The following DDOST variants were observed in gnomAD, a reference collection of about 807,000 sequenced individuals.
The protein encoded by DDOST is dolichyl-diphosphooligosaccharide--protein glycosyltransferase 48 kDa subunit.
In DDOST, 25 loss-of-function variants were observed where a neutral mutation model predicts 47.6. That is an observed-to-expected ratio of 0.53 (90% CI 0.38 to 0.73). DDOST has a LOEUF of 0.73. DDOST is among the 30% of genes least tolerant of loss of function. The pLI is 0.00. For synonymous variants in DDOST, 275 were observed against 236.0 expected (o/e 1.17, Z -1.51); for missense variants, 526 against 573.9 (o/e 0.92, Z 0.85).
Position 20,653,398 on chromosome 1 carries a change from G to GC in DDOST, c.942+228dup, listed in dbSNP as rs756959461. Among the ~76,000 whole-genome samples, 141 of 152,268 alleles carry GC rather than the reference G, an allele frequency of 9.3e-4. 1 individual carries two copies. In the Middle Eastern group the frequency reaches 0.02, roughly 22 times the overall value. ...AATCAGTGAAGCCCCTCCCACTGCT[G>GC]CCCCCCATAGCAAATACACACACCT... On this transcript the variant is annotated intron_variant, in intron 8 of 10. Coordinates refer to ENST00000602624, the MANE Select transcript of DDOST (RefSeq NM_005216.5).
rs138561924 is a variant in DDOST, at chr1:20,652,656, G to T, written c.1135C>A (p.Arg379=). Residue 379 remains arginine (R), a synonymous_variant, in exon 10 of 11, where the codon CGG becomes AGG. Transcript: ENST00000602624. ...GVFQFKVDYN[R]LGYTHLYSST... Reference sequence around the variant, plus strand: ...GAGTACAGGTGTGTGTAGCCTAGCCGGTTGTAATCCACTTTAAACTGGAAT... The same window carrying T: ...GAGTACAGGTGTGTGTAGCCTAGCCTGTTGTAATCCACTTTAAACTGGAAT... 6.2e-7 allele frequency: 1 copy of T among 1,614,154 alleles called. No homozygotes were observed. Among genetic ancestry groups the T allele is most frequent in the East Asian group, 2.2e-5 (1 of 44,884 alleles).
Position 20,654,318 on chromosome 1 carries a change from C to T in DDOST, c.699G>A (p.Arg233=). ...CGCTGAAGATGACGCGGGCATTGTT[C>T]CTGGCCTGGAGCCCAGCAATGAGGA... ...NTLLIAGLQA[R]NNARVIFSGS... is the part of the protein sequence containing the mutation. The change falls in exon 7 of 11, where the codon AGG becomes AGA. Residue 233 remains arginine (R), a synonymous_variant. Coordinates refer to ENST00000602624, the MANE Select transcript of DDOST (RefSeq NM_005216.5). 2.6e-6 allele frequency: 4 copies of T among 1,555,988 alleles called. No homozygotes were observed. The highest frequency in any genetic ancestry group is 3.5e-6 in the Non-Finnish European group (4 of 1,149,004).
chr1:20,660,520 T>C (rs766797706), intron 2 of DDOST: 32 of 175,768 alleles, frequency 1.8e-4, no homozygotes, highest in South Asian at 3.6e-4. Context: ...TGCCTCTTTA[T>C]AGCAATCCAT....
Position 20,661,187 on chromosome 1 carries a change from C to G in DDOST, c.154+10G>C. 2 of 1,613,052 alleles carry G rather than the reference C, an allele frequency of 1.2e-6. No individual in the cohort carries two copies. Among genetic ancestry groups the G allele is most frequent in the South Asian group, 2.2e-5 (2 of 91,014 alleles). Reference sequence around the variant, plus strand: ...CCCCCACACGCTACCCCCTCGGACCCCGCTCTCACCCTTCAGGCTCCGGAA... The same window carrying G: ...CCCCCACACGCTACCCCCTCGGACCGCGCTCTCACCCTTCAGGCTCCGGAA... On this transcript the variant is annotated intron_variant, in intron 1 of 10. Transcript: ENST00000602624.
At chr1:20,657,638 A>G (rs2053389484) in intron 2 of DDOST, among the ~76,000 whole-genome samples, 2 of 152,222 alleles carry the variant, frequency 1.3e-5, no homozygotes, top group Admixed American at 1.3e-4. Flanking sequence ...AAGTGTGTCC[A>G]TTAGACCCTC....
chr1:20,657,118 G>C (rs944691360), intron 2 of DDOST, among the ~76,000 whole-genome samples: 1 of 152,218 alleles, frequency 6.6e-6, no homozygotes, highest in Admixed American at 6.5e-5. Flanking sequence ...TGTGGGGTCA[G>C]AGGATTCCCA....
chr1:20,655,922 TG>T, intron 3 of DDOST, 143 bp from the exon 4 acceptor site: 1 of 824,916 alleles, frequency 1.2e-6, no homozygotes, highest in Non-Finnish European at 2.0e-6. Flanking sequence ...GATGGACCCC[TG>T]GACAGCAGTG....
Position 20,660,872 on chromosome 1 carries a change from A to C in DDOST, c.265+9T>G, listed in dbSNP as rs79243170. On this transcript the variant is annotated intron_variant, in intron 2 of 10. Coordinates refer to ENST00000602624, the MANE Select transcript of DDOST (RefSeq NM_005216.5). ...AATTCCAGTGCTAGGGGCGACGCGG[A>C]ACCCTTACCTTCTACCGAAGGGGAG... is the stretch of plus-strand genomic sequence containing the variant. 6.5e-7 allele frequency: 1 copy of C among 1,542,014 alleles called. No homozygotes were observed. Among genetic ancestry groups the C allele is most frequent in the Non-Finnish European group, 9.0e-7 (1 of 1,114,866 alleles).
At chr1:20,658,894 C>T (rs1326181365) in intron 2 of DDOST, among the ~76,000 whole-genome samples, 2 of 136,672 alleles carry the variant, frequency 1.5e-5, no homozygotes, top group Admixed American at 7.9e-5. Context: ...CTTGCTCTGT[C>T]GCTTAGGCTG....
rs2053312234 is a variant in DDOST at position 20,652,886 on chromosome 1, A to G, written c.1028T>C (p.Ile343Thr). 6.2e-7 allele frequency: 1 copy of G among 1,614,228 alleles called. No individual in the cohort carries two copies. Among genetic ancestry groups the G allele is most frequent in the African/African-American group, 1.3e-5 (1 of 75,060 alleles). The change falls in exon 9 of 11, where the codon ATT becomes ACT. Residue 343 changes from isoleucine to threonine, a missense_variant. Ile to Thr is a moderately conservative substitution (Grantham distance 89). Transcript: ENST00000602624. Reference protein sequence around the residue: ...GDDIQLEFVRIDPFVRTFLKK... With the variant: ...GDDIQLEFVRTDPFVRTFLKK... ...CAGGAAGGTCCTCACAAAAGGATCA[A>G]TGCGGACAAACTCCAGCTGAATGTC...
rs1281072520 is a variant in DDOST, at chr1:20,656,204, GAC to G, written c.266-19_266-18del. On this transcript the variant is annotated intron_variant, in intron 2 of 10. Coordinates refer to ENST00000602624, the MANE Select transcript of DDOST (RefSeq NM_005216.5). ...CTCCAAAATCTGAAAGCAGGCACCA[GAC>G]ACAGTGACCCAGAGGTCTCCTCTCC... The G allele has an allele frequency of 1.2e-6, 2 of 1,606,344 alleles. No individual in the cohort carries two copies. The highest frequency in any genetic ancestry group is 2.2e-5 in the South Asian group (2 of 90,930).
At chr1:20,660,089 G>C (rs1473089195) in intron 2 of DDOST, among the ~76,000 whole-genome samples, 2 of 152,214 alleles carry the variant, frequency 1.3e-5, no homozygotes, top group Non-Finnish European at 2.9e-5. Flanking sequence ...TATGGCAAAA[G>C]AGAAATAGCT....
At chr1:20,656,511 C>T (rs1174320458) in intron 2 of DDOST, among the ~76,000 whole-genome samples, 3 of 152,162 alleles carry the variant, frequency 2.0e-5, no homozygotes, top group Non-Finnish European at 4.4e-5. Context: ...TTGGAAATGC[C>T]GTACTGCCCA....
Position 20,653,700 on chromosome 1 carries a change from C to G in DDOST, c.869G>C (p.Arg290Pro). 6.2e-7 allele frequency: 1 copy of G among 1,614,052 alleles called. No individual in the cohort carries two copies. The highest frequency in any genetic ancestry group is 8.5e-7 in the Non-Finnish European group (1 of 1,179,944). The change falls in exon 8 of 11, where the codon CGT becomes CCT. Residue 290 changes from arginine (R) to proline (P), a missense_variant. Transcript: ENST00000602624. ...CCGATGATGGGACACAGGCCCCACA[C>G]GGAGGACACCCTCCTCCTTGAACAC... The part of the protein sequence containing the change: ...RWVFKEEGVL[R>P]VGPVSHHRVG...
At chr1:20,656,528 A>T (rs1338763182) in intron 2 of DDOST, among the ~76,000 whole-genome samples, 1 of 152,214 alleles carries the variant, frequency 6.6e-6, no homozygotes, top group Non-Finnish European at 1.5e-5. Context: ...CCCATATTTC[A>T]TCTCATCACC....
intron 2 of DDOST, 145 bp from the exon 3 acceptor site, chr1:20,656,332 C>T (rs1384626256): frequency 1.3e-5 from 8 of 636,192 alleles, no homozygotes; most frequent in Non-Finnish European, 2.3e-5. Flanking sequence ...GGAGAGGCTT[C>T]CCACACCACA....
chr1:20,655,608 C>G, intron 4 of DDOST, 68 bp downstream of exon 4: 1 of 1,597,040 alleles, frequency 6.3e-7, no homozygotes, highest in African/African-American at 1.3e-5. Context: ...CTCACACCCT[C>G]TTGGCTTTTG....
chr1:20,652,544 G>A lies in DDOST; in HGVS notation c.1171-16C>T, dbSNP rs1285954195. The A allele has an allele frequency of 5.0e-6, 8 of 1,613,968 alleles. No individual in the cohort carries two copies. In the South Asian group the frequency reaches 6.6e-5, roughly 13 times the overall value. The stretch of plus-strand genomic sequence containing the variant: ...GCACGGATACCTGCAGGAGGACAGA[G>A]GTGGCAGGACCTGGCCACTGCAGAG... On this transcript the variant is annotated splice_polypyrimidine_tract_variant and intron_variant, in intron 10 of 10. Coordinates refer to ENST00000602624, the MANE Select transcript of DDOST (RefSeq NM_005216.5).
rs540715076 is a variant in DDOST at position 20,658,003 on chromosome 1, A to C, written c.266-1816T>G. On this transcript the variant is annotated intron_variant, in intron 2 of 10. Coordinates refer to ENST00000602624, the MANE Select transcript of DDOST (RefSeq NM_005216.5). ...AATGGGCAGAGGCCCGGGTGCTGTT[A>C]AACACCCTACAGTACACAGGACAGC... 3.9e-5 allele frequency among the ~76,000 whole-genome samples: 6 copies of C among 152,280 alleles called. No homozygotes were observed. In the East Asian group the frequency reaches 1.2e-3, roughly 29 times the overall value.
Sources: allele counts gnomAD v4.1 joint callset (sites outside exome capture counted in the v4.1 genomes callset), GRCh38; gene constraint gnomAD v4.1.1; transcripts MANE v1.5; gene names NCBI Gene and HGNC (gene_info 2026-07-23, HGNC 2026-07-21).